PCDH15: variants seen among roughly 807,000 people sequenced by gnomAD.
PCDH15 encodes protocadherin-15.
PCDH15 carries 129 observed loss-of-function variants against 178.5 expected under a neutral mutation model. That is an observed-to-expected ratio of 0.72 (90% CI 0.63 to 0.84). The LOEUF (loss-of-function observed/expected upper bound fraction) is 0.84, where lower values mean the gene tolerates loss of function less well. Ranked by LOEUF, PCDH15 falls within the 40% of genes least tolerant of loss-of-function variation. PCDH15 has a pLI of 0.00. For missense variants in PCDH15, 2,230 were observed against 2,099.9 expected (o/e 1.06, Z -1.21); for synonymous variants, 800 against 732.0 (o/e 1.09, Z -1.50).
chr10:55,196,562 C>T (rs1840098763), intron 1 of PCDH15, among the ~76,000 whole-genome samples: 1 of 151,968 alleles, frequency 6.6e-6, no homozygotes, highest in Admixed American at 6.6e-5. Flanking sequence ...TAAGGACATA[C>T]AACAAACATA....
chr10:54,267,448 A>T (rs1591503115), intron 8 of PCDH15, among the ~76,000 whole-genome samples: 1 of 151,918 alleles, frequency 6.6e-6, no homozygotes, highest in East Asian at 1.9e-4. Flanking sequence ...AGCAAGAAAT[A>T]ATAGACATCC....
chr10:55,177,114 T>C (rs1839512233), intron 1 of PCDH15, among the ~76,000 whole-genome samples: 1 of 152,130 alleles, frequency 6.6e-6, no homozygotes. Flanking sequence ...AGGTTTAGTC[T>C]TGTCAGAGGG....
chr10:54,271,390 A>C (rs2058040318), intron 8 of PCDH15, among the ~76,000 whole-genome samples: 1 of 151,958 alleles, frequency 6.6e-6, no homozygotes. Context: ...TTTGTACTTT[A>C]TTAGAGACAG....
At chr10:55,413,134 A>T (rs1171534050) in intron 2 of PCDH15, among the ~76,000 whole-genome samples, 1 of 151,842 alleles carries the variant, frequency 6.6e-6, no homozygotes, top group Admixed American at 6.6e-5. Context: ...TATAATTCTT[A>T]CCCAGCAGAA....
intron 3 of PCDH15, among the ~76,000 whole-genome samples, chr10:54,810,242 C>T (rs1352513057): frequency 5.3e-5 from 8 of 152,058 alleles, no homozygotes; most frequent in South Asian, 4.1e-4. Context: ...TAATAAGTTT[C>T]GGATTCTCAT....
intron 15 of PCDH15, among the ~76,000 whole-genome samples, chr10:54,101,546 A>C (rs147031535): frequency 6.6e-6 from 1 of 152,348 alleles, no homozygotes; most frequent in Non-Finnish European, 1.5e-5. Context: ...GTTGATACAT[A>C]TATCAAAAAG....
chr10:54,755,811 T>G (rs940785963), intron 1 of PCDH15, among the ~76,000 whole-genome samples: 20 of 152,204 alleles, frequency 1.3e-4, no homozygotes, highest in Admixed American at 1.2e-3. Context: ...GCAGCACTTT[T>G]TTCATTGGGT....
chr10:55,480,917 G>A (rs1043274178), intron 2 of PCDH15, among the ~76,000 whole-genome samples: 9 of 151,612 alleles, frequency 5.9e-5, no homozygotes, highest in African/African-American at 1.9e-4. Context: ...TATGGTACAG[G>A]ATCTTCTTAG....
intron 2 of PCDH15, among the ~76,000 whole-genome samples, chr10:55,023,331 T>C (rs975429408): frequency 1.3e-5 from 2 of 152,186 alleles, no homozygotes; most frequent in Non-Finnish European, 2.9e-5. Flanking sequence ...AAACTAATAT[T>C]CAAATAAAAC....
At chr10:55,414,636 G>C (rs1482850251) in intron 2 of PCDH15, among the ~76,000 whole-genome samples, 1 of 151,144 alleles carries the variant, frequency 6.6e-6, no homozygotes, top group Non-Finnish European at 1.5e-5. Context: ...TATTCTTTTT[G>C]ATGCTATTAT....
chr10:54,978,493 AG>A (rs1006989061), intron 2 of PCDH15, among the ~76,000 whole-genome samples: 2 of 152,182 alleles, frequency 1.3e-5, no homozygotes, highest in African/African-American at 2.4e-5. Context: ...TATTTGCATA[AG>A]AACTATTATA....
chr10:55,264,972 G>T (rs1029843916), intron 1 of PCDH15, among the ~76,000 whole-genome samples: 1 of 152,142 alleles, frequency 6.6e-6, no homozygotes, highest in Non-Finnish European at 1.5e-5. Flanking sequence ...CTCAGGGAAG[G>T]CTGCAAGGGG....
chr10:55,155,144 A>C (rs1036098843), intron 2 of PCDH15, among the ~76,000 whole-genome samples: 3 of 152,128 alleles, frequency 2.0e-5, no homozygotes, highest in Admixed American at 1.3e-4. Flanking sequence ...CAAACAATGA[A>C]ATGGTCCAAC....
At chr10:55,199,626 C>G (rs1840186881) in intron 1 of PCDH15, among the ~76,000 whole-genome samples, 1 of 152,006 alleles carries the variant, frequency 6.6e-6, no homozygotes, top group Non-Finnish European at 1.5e-5. Context: ...GGGAAAATGC[C>G]TCCAGGGCAT....
rs762481989 is a variant in PCDH15 at position 53,807,184 on chromosome 10, A to ATGAT, written c.4672-58_4672-55dup. 613 of 1,389,998 alleles carry ATGAT rather than the reference A, an allele frequency of 4.4e-4. 1 individual carries two copies. Among genetic ancestry groups the ATGAT allele is most frequent in the Non-Finnish European group, 5.4e-4 (563 of 1,035,634 alleles). The allele number at this position is 1,389,998 out of a possible 1,614,324, so 86.1% of individuals were successfully genotyped here. A position where few individuals can be genotyped will look rare whatever the true frequency, so the allele number is the denominator to read the frequency against. Reference sequence around the variant, plus strand: ...CACTATCAAATAAATTAAAAAGGCAATGATTACATTGCCTGTGAAATCCAA... The same window carrying ATGAT: ...CACTATCAAATAAATTAAAAAGGCAATGATTGATTACATTGCCTGTGAAATCCAA... On this transcript the variant is annotated intron_variant, in intron 37 of 37. Transcript: ENST00000644397.
chr10:53,895,999 T>A (rs2081924240), intron 26 of PCDH15, among the ~76,000 whole-genome samples: 2 of 152,208 alleles, frequency 1.3e-5, no homozygotes, highest in Admixed American at 1.3e-4. Context: ...AGGAAAGTTA[T>A]CCAGACTTAC....
In PCDH15 at chr10:54,235,455, T is replaced by C. The variant is rs187669887; in HGVS notation, c.985+1368A>G. Reference sequence around the variant, plus strand: ...GAGTATCATAATTATCCAAGTCTGTTATTAAATTTCATCCTTTGGCTTTTG... The same window carrying C: ...GAGTATCATAATTATCCAAGTCTGTCATTAAATTTCATCCTTTGGCTTTTG... On this transcript the variant is annotated intron_variant, in intron 9 of 37. Coordinates refer to ENST00000644397, the MANE Select transcript of PCDH15 (RefSeq NM_001384140.1). Among the ~76,000 whole-genome samples the C allele has an allele frequency of 1.8e-4, 28 of 152,320 alleles. 1 individual carries two copies. Among genetic ancestry groups the C allele is most frequent in the Admixed American group, 2.6e-4 (4 of 15,300 alleles).
chr10:54,411,986 G>A (rs1049508009), intron 3 of PCDH15, among the ~76,000 whole-genome samples: 2 of 152,068 alleles, frequency 1.3e-5, no homozygotes, highest in South Asian at 2.1e-4. Flanking sequence ...GGCTATGTCC[G>A]TAGTTTATTC....
chr10:53,922,516 T>C (rs1364748315), intron 25 of PCDH15, among the ~76,000 whole-genome samples: 1 of 152,202 alleles, frequency 6.6e-6, no homozygotes, highest in Non-Finnish European at 1.5e-5. Context: ...ATCATGGATC[T>C]TAAGTAATTT....
Sources: gnomAD v4.1 joint callset for allele counts (sites outside exome capture counted in the v4.1 genomes callset) on GRCh38, gnomAD v4.1.1 for gene constraint, MANE v1.5 for transcripts, NCBI Gene and HGNC (gene_info 2026-07-23, HGNC 2026-07-21) for gene names.